Variants in CDYL2 observed in about 807,000 individuals in gnomAD.
CDYL2 encodes the protein chromodomain Y like 2.
CDYL2 carries 23 observed loss-of-function variants against 49.4 expected under a neutral mutation model. That is an observed-to-expected ratio of 0.47 (90% CI 0.34 to 0.66). The LOEUF (loss-of-function observed/expected upper bound fraction) is 0.66, where lower values mean the gene tolerates loss of function less well. Ranked by LOEUF, CDYL2 falls within the 30% of genes least tolerant of loss-of-function variation. The pLI is 0.01. For synonymous variants in CDYL2, 360 were observed against 268.8 expected (o/e 1.34, Z -3.32); for missense variants, 678 against 656.4 (o/e 1.03, Z -0.36).
intron 1 of CDYL2, among the ~76,000 whole-genome samples, chr16:80,691,327 G>A (rs1048040002): frequency 2.0e-5 from 3 of 152,204 alleles, no homozygotes; most frequent in Non-Finnish European, 2.9e-5. Context: ...AACTTGGCAT[G>A]GGCTATTTAA....
intron 5 of CDYL2, among the ~76,000 whole-genome samples, chr16:80,610,587 A>AG (rs1906550506): frequency 7.8e-6 from 1 of 128,742 alleles, no homozygotes; most frequent in Non-Finnish European, 1.6e-5. Flanking sequence ...CATAAAATTA[A>AG]CAAAAAACCC....
At chr16:80,702,237 A>G (rs546872384) in intron 1 of CDYL2, among the ~76,000 whole-genome samples, 1 of 151,000 alleles carries the variant, frequency 6.6e-6, no homozygotes, top group Non-Finnish European at 1.5e-5. Context: ...AAAACTTAGA[A>G]GAAAACAAGA....
intron 1 of CDYL2, among the ~76,000 whole-genome samples, chr16:80,745,577 T>C (rs1193162152): frequency 6.6e-6 from 1 of 152,156 alleles, no homozygotes; most frequent in African/African-American, 2.4e-5. Context: ...ACACTTCAAA[T>C]GATGGCTGTG....
At chr16:80,702,048 T>G (rs952092424) in intron 1 of CDYL2, among the ~76,000 whole-genome samples, 1 of 152,158 alleles carries the variant, frequency 6.6e-6, no homozygotes, top group African/African-American at 2.4e-5. Flanking sequence ...AGCAGAATTA[T>G]TGCATAAGTG....
In CDYL2 at chr16:80,804,365, C is replaced by G; in HGVS notation, c.-192G>C. Reference sequence around the variant, plus strand: ...TGCCTATGCGCAGAATCAGAGCGGGCGGCGGCGGGGCTGGCGTAACCGGCA... The same window carrying G: ...TGCCTATGCGCAGAATCAGAGCGGGGGGCGGCGGGGCTGGCGTAACCGGCA... On this transcript the variant is annotated 5_prime_UTR_variant, in exon 1 of 7. Transcript: ENST00000570137. The G allele has an allele frequency of 4.2e-6, 1 of 235,846 alleles. No individual in the cohort carries two copies. Among genetic ancestry groups the G allele is most frequent in the Non-Finnish European group, 7.2e-6 (1 of 139,624 alleles). 14.6% of individuals were successfully genotyped at this position (235,846 alleles called of 1,614,324 possible).
intron 6 of CDYL2, among the ~76,000 whole-genome samples, chr16:80,607,492 G>C (rs115291635): frequency 6.6e-6 from 1 of 152,170 alleles, no homozygotes; most frequent in African/African-American, 2.4e-5. Context: ...CCCTGGGGCC[G>C]CAGGAGTGGC....
chr16:80,748,255 G>C (rs1411681786), intron 1 of CDYL2, among the ~76,000 whole-genome samples: 1 of 147,180 alleles, frequency 6.8e-6, no homozygotes, highest in Admixed American at 6.8e-5. Flanking sequence ...GACCGGGCGC[G>C]CTGGCTCACG....
In CDYL2 at chr16:80,782,214, T is replaced by A. The variant is rs533839606; in HGVS notation, c.24+21936A>T. Among the ~76,000 whole-genome samples, 3 of 152,000 alleles carry A rather than the reference T, an allele frequency of 2.0e-5. No individual in the cohort carries two copies. In the East Asian group the frequency reaches 5.8e-4, roughly 29 times the overall value. ...AGAAATAAAAAGAATTATTTTAAAATGCTATAAATAATTGTACACCAACAA... is the reference window on the plus strand; with the variant it reads ...AGAAATAAAAAGAATTATTTTAAAAAGCTATAAATAATTGTACACCAACAA... On this transcript the variant is annotated intron_variant, in intron 1 of 6. Coordinates refer to ENST00000570137, the MANE Select transcript of CDYL2 (RefSeq NM_152342.4).
intron 2 of CDYL2, among the ~76,000 whole-genome samples, chr16:80,651,386 A>T (rs1908575665): frequency 6.6e-6 from 1 of 152,330 alleles, no homozygotes. Flanking sequence ...AGTCTAGTAA[A>T]AGCAAAAGTA....
intron 2 of CDYL2, among the ~76,000 whole-genome samples, chr16:80,634,886 A>T (rs947113295): frequency 1.1e-4 from 16 of 152,226 alleles, no homozygotes; most frequent in African/African-American, 3.9e-4. Context: ...CCAAAGAATT[A>T]TACCAAACAT....
intron 4 of CDYL2, among the ~76,000 whole-genome samples, chr16:80,616,138 T>A (rs762163353): frequency 2.0e-4 from 30 of 152,176 alleles, no homozygotes; most frequent in Non-Finnish European, 3.1e-4. Flanking sequence ...CTTCAGAATC[T>A]GAAAGACTCA....
At chr16:80,766,540 T>G (rs1047499607) in intron 1 of CDYL2, among the ~76,000 whole-genome samples, 6 of 152,184 alleles carry the variant, frequency 3.9e-5, no homozygotes, top group Admixed American at 1.3e-4. Context: ...CTGTAATAAG[T>G]ATCAGAAGTT....
Position 80,604,043 on chromosome 16 carries a change from A to C in CDYL2, c.*345T>G. ...AGAGGCACTGTGTAGACACAGCCTG[A>C]GTCAGAAGAATGTGAAAGTGGTCTT... On this transcript the variant is annotated 3_prime_UTR_variant, in exon 7 of 7. Coordinates refer to ENST00000570137, the MANE Select transcript of CDYL2 (RefSeq NM_152342.4). The C allele has an allele frequency of 3.5e-6, 1 of 288,656 alleles. No individual in the cohort carries two copies. Among genetic ancestry groups the C allele is most frequent in the South Asian group, 4.7e-5 (1 of 21,498 alleles). The allele number at this position is 288,656 out of a possible 1,614,324, so 17.9% of individuals were successfully genotyped here.
chr16:80,774,511 G>A (rs1235001973), intron 1 of CDYL2, among the ~76,000 whole-genome samples: 1 of 151,948 alleles, frequency 6.6e-6, no homozygotes, highest in Non-Finnish European at 1.5e-5. Flanking sequence ...TAATAACAAT[G>A]TATTATATAC....
chr16:80,668,899 A>AAAT (rs1431740039), intron 2 of CDYL2, among the ~76,000 whole-genome samples: 2 of 152,002 alleles, frequency 1.3e-5, no homozygotes, highest in Non-Finnish European at 2.9e-5. Flanking sequence ...ACACCATCTC[A>AAAT]AATAATAATA....
At chr16:80,745,199 C>T (rs185077192) in intron 1 of CDYL2, among the ~76,000 whole-genome samples, 14 of 152,286 alleles carry the variant, frequency 9.2e-5, no homozygotes, top group African/African-American at 3.1e-4. Flanking sequence ...GGTCCCCCAG[C>T]TAGAATGCAG....
chr16:80,619,427 T>C (rs1471397576), intron 4 of CDYL2, among the ~76,000 whole-genome samples: 1 of 152,220 alleles, frequency 6.6e-6, no homozygotes, highest in Non-Finnish European at 1.5e-5. Context: ...TTCCCTGGAC[T>C]TCTGGAAATC....
chr16:80,723,307 G>A (rs923506515), intron 1 of CDYL2, among the ~76,000 whole-genome samples: 17 of 152,252 alleles, frequency 1.1e-4, no homozygotes, highest in South Asian at 6.2e-4. Flanking sequence ...GTTGTATTAA[G>A]TAAACCCTAG....
chr16:80,597,965 C>T lies in CDYL2; in HGVS notation c.*6423G>A, dbSNP rs569051410. 9 of 152,246 alleles carry T rather than the reference C, an allele frequency of 5.9e-5. No individual in the cohort carries two copies. In the South Asian group the frequency reaches 1.7e-3, roughly 28 times the overall value. 9.4% of individuals were successfully genotyped at this position (152,246 alleles called of 1,614,324 possible). ...ACAATGTATAAATACTGCATATTAGCACACATGAAAAATACAACTTCTAAG... is the reference window on the plus strand; with the variant it reads ...ACAATGTATAAATACTGCATATTAGTACACATGAAAAATACAACTTCTAAG... On this transcript the variant is annotated 3_prime_UTR_variant, in exon 7 of 7. Transcript: ENST00000570137.
Sources: allele counts gnomAD v4.1 joint callset (sites outside exome capture counted in the v4.1 genomes callset), GRCh38; gene constraint gnomAD v4.1.1; transcripts MANE v1.5; gene names NCBI Gene and HGNC (gene_info 2026-07-23, HGNC 2026-07-21).